Variants in NCKAP5 observed in about 807,000 individuals in gnomAD.
NCKAP5 encodes nck-associated protein 5.
Under a neutral mutation model 167.0 loss-of-function variants are expected in NCKAP5, and 92 were observed. The ratio of observed to expected loss-of-function variants is 0.55; its 90% CI spans 0.47 to 0.66. NCKAP5 has a LOEUF of 0.66. Ranked by LOEUF, NCKAP5 falls within the 30% of genes least tolerant of loss-of-function variation. The pLI, the probability that NCKAP5 is intolerant of heterozygous loss-of-function variation, is 0.00. For synonymous variants in NCKAP5, 891 were observed against 877.4 expected (o/e 1.02, Z -0.27); for missense variants, 2,378 against 2,315.0 (o/e 1.03, Z -0.56).
intron 6 of NCKAP5, among the ~76,000 whole-genome samples, chr2:133,017,729 C>A (rs527536864): frequency 2.8e-4 from 43 of 151,868 alleles, no homozygotes; most frequent in African/African-American, 1.0e-3. Flanking sequence ...CTTCCCCGCC[C>A]CCCCACTGTT....
At chr2:132,708,178 A>G (rs529027542) in intron 19 of NCKAP5, among the ~76,000 whole-genome samples, 4 of 151,862 alleles carry the variant, frequency 2.6e-5, no homozygotes, top group Admixed American at 2.6e-4. Flanking sequence ...AGAAAAGGAG[A>G]CGGAAGAGTA....
At chr2:132,941,634 T>G (rs958305407) in intron 8 of NCKAP5, among the ~76,000 whole-genome samples, 1 of 152,160 alleles carries the variant, frequency 6.6e-6, no homozygotes, top group Non-Finnish European at 1.5e-5. Context: ...CCTGGTCTCA[T>G]GGCCTGAAAC....
At chr2:132,939,873 G>T (rs1462189702) in intron 8 of NCKAP5, among the ~76,000 whole-genome samples, 1 of 152,108 alleles carries the variant, frequency 6.6e-6, no homozygotes, top group Non-Finnish European at 1.5e-5. Context: ...GGTGGTGGGT[G>T]CCTGTAACTC....
At chr2:133,001,666 TCA>T (rs1309383631) in intron 6 of NCKAP5, among the ~76,000 whole-genome samples, 2 of 152,174 alleles carry the variant, frequency 1.3e-5, no homozygotes, top group Non-Finnish European at 1.5e-5. Flanking sequence ...ACATCAGCAT[TCA>T]CTCAAATATT....
At chr2:133,231,862 T>C (rs1001128905) in intron 4 of NCKAP5, among the ~76,000 whole-genome samples, 2 of 152,322 alleles carry the variant, frequency 1.3e-5, no homozygotes, top group South Asian at 4.1e-4. Flanking sequence ...TGTAAATTGC[T>C]GAGGAGTTTG....
chr2:133,451,245 T>C (rs1173223287), intron 3 of NCKAP5, among the ~76,000 whole-genome samples: 1 of 152,206 alleles, frequency 6.6e-6, no homozygotes, highest in Non-Finnish European at 1.5e-5. Flanking sequence ...CTTACAGTCA[T>C]GGATCTGAAC....
rs192519115 is a variant in NCKAP5, at chr2:133,283,888, G to A, written c.143+19149C>T. On this transcript the variant is annotated intron_variant, in intron 4 of 19. Transcript: ENST00000409261. The stretch of plus-strand genomic sequence containing the variant: ...GGCCTCCCAAAGTGCTACGATTACA[G>A]GCGTGAGCCACCGTGCCCGGCCTTG... Among the ~76,000 whole-genome samples the A allele has an allele frequency of 6.6e-4, 100 of 152,250 alleles. No individual in the cohort carries two copies. In the East Asian group the frequency reaches 0.018, roughly 27 times the overall value.
intron 3 of NCKAP5, among the ~76,000 whole-genome samples, chr2:133,358,219 A>G (rs1372209943): frequency 1.3e-5 from 2 of 152,090 alleles, no homozygotes; most frequent in Non-Finnish European, 2.9e-5. Flanking sequence ...ACACCTCTTT[A>G]TGGTTATCTT....
intron 16 of NCKAP5, among the ~76,000 whole-genome samples, chr2:132,736,368 T>G (rs1000393795): frequency 6.6e-6 from 1 of 152,228 alleles, no homozygotes; most frequent in Non-Finnish European, 1.5e-5. Flanking sequence ...GAAGCCAGTT[T>G]TTTTTCTCAG....
At chr2:132,737,566 T>C (rs542022409) in intron 16 of NCKAP5, among the ~76,000 whole-genome samples, 51 of 152,268 alleles carry the variant, frequency 3.3e-4, no homozygotes, top group Non-Finnish European at 5.7e-4. Flanking sequence ...GTTGCTACCT[T>C]AGGGTGTGTG....
intron 3 of NCKAP5, among the ~76,000 whole-genome samples, chr2:133,315,167 G>A (rs1278003567): frequency 1.3e-5 from 2 of 152,124 alleles, no homozygotes; most frequent in African/African-American, 2.4e-5. Flanking sequence ...TCTGGCTGCT[G>A]TTGACTGAAG....
At chr2:132,944,175 CA>C (rs1348464256) in intron 8 of NCKAP5, among the ~76,000 whole-genome samples, 1 of 151,978 alleles carries the variant, frequency 6.6e-6, no homozygotes, top group Non-Finnish European at 1.5e-5. Context: ...GTTTTGGGGG[CA>C]GGGGGAATAT....
chr2:133,203,444 A>G (rs1006255785), intron 5 of NCKAP5, among the ~76,000 whole-genome samples: 2 of 152,200 alleles, frequency 1.3e-5, no homozygotes, highest in Admixed American at 1.3e-4. Context: ...AATGTAAATG[A>G]CAAGTTAATA....
At chr2:133,510,219 C>A (rs1157225588) in intron 3 of NCKAP5, among the ~76,000 whole-genome samples, 1 of 152,170 alleles carries the variant, frequency 6.6e-6, no homozygotes, top group African/African-American at 2.4e-5. Context: ...AAGTCATAAA[C>A]CCCACTGCAT....
At chr2:132,822,216 T>C (rs1197983161) in intron 11 of NCKAP5, among the ~76,000 whole-genome samples, 1 of 152,208 alleles carries the variant, frequency 6.6e-6, no homozygotes, top group Non-Finnish European at 1.5e-5. Flanking sequence ...AGGGTGTCCA[T>C]GTGACAACTT....
At chr2:133,189,111 C>T (rs1188275674) in intron 5 of NCKAP5, among the ~76,000 whole-genome samples, 13 of 151,882 alleles carry the variant, frequency 8.6e-5, no homozygotes, top group South Asian at 2.1e-4. Context: ...ATATCATCAC[C>T]GATCCCACAG....
At chr2:133,570,615 C>T (rs144723446), upstream of NCKAP5, among the ~76,000 whole-genome samples, 256 of 152,320 alleles carry the variant, frequency 1.7e-3, no homozygotes, top group African/African-American at 5.9e-3. Context: ...GATTAAAGTT[C>T]AGTGCTCAGA....
intron 6 of NCKAP5, among the ~76,000 whole-genome samples, chr2:133,045,473 T>G (rs1192934380): frequency 6.6e-6 from 1 of 152,076 alleles, no homozygotes; most frequent in Non-Finnish European, 1.5e-5. Flanking sequence ...AAGAGAAACA[T>G]GAAGGTGGCC....
chr2:133,126,772 T>C (rs1038798177), intron 6 of NCKAP5, among the ~76,000 whole-genome samples: 4 of 152,194 alleles, frequency 2.6e-5, no homozygotes, highest in Admixed American at 6.5e-5. Flanking sequence ...TCTTTTGATC[T>C]TGTCTGCCAG....
Sources: allele counts gnomAD v4.1 joint callset (sites outside exome capture counted in the v4.1 genomes callset), GRCh38; gene constraint gnomAD v4.1.1; transcripts MANE v1.5; gene names NCBI Gene and HGNC (gene_info 2026-07-23, HGNC 2026-07-21).